The following WBP2NL variants were observed in gnomAD, a reference collection of about 807,000 sequenced individuals.
WBP2NL encodes the protein WBP2 N-terminal like.
WBP2NL carries 27 observed loss-of-function variants against 23.3 expected under a neutral mutation model. The observed-to-expected ratio is 1.16, with a 90% CI of 0.85 to 1.60. WBP2NL has a LOEUF of 1.60. Ranked by LOEUF, WBP2NL falls within the 40% of genes most tolerant of loss-of-function variation. WBP2NL has a pLI of 0.00. For synonymous variants in WBP2NL, 151 were observed against 145.9 expected (o/e 1.03, Z -0.25); for missense variants, 370 against 389.5 (o/e 0.95, Z 0.42).
At chr22:42,017,123 ATCTC>A (rs912019546) in intron 1 of WBP2NL, among the ~76,000 whole-genome samples, 11 of 150,860 alleles carry the variant, frequency 7.3e-5, no homozygotes, top group African/African-American at 2.2e-4. Context: ...AATGCTACCC[ATCTC>A]TCTCTCTCTC....
chr22:42,026,995 A>G lies in WBP2NL; in HGVS notation c.744A>G (p.Pro248=), dbSNP rs764782507. Residue 248 remains proline, a synonymous_variant, in exon 6 of 6, where the codon CCA becomes CCG. Coordinates refer to ENST00000328823, the MANE Select transcript of WBP2NL (RefSeq NM_152613.3). ...YGAPPLGYGT[P]PLGYGAPPLG... ...CCCCACCTCTTGGATATGGAACCCC[A>G]CCTCTCGGATATGGAGCCCCACCTC... 14 of 1,608,830 alleles carry G rather than the reference A, an allele frequency of 8.7e-6. No homozygotes were observed. Among genetic ancestry groups the G allele is most frequent in the Admixed American group, 6.7e-5 (4 of 59,738 alleles).
At chr22:42,008,462 C>T (rs1433117818) in intron 1 of WBP2NL, among the ~76,000 whole-genome samples, 1 of 152,046 alleles carries the variant, frequency 6.6e-6, no homozygotes, top group African/African-American at 2.4e-5. Flanking sequence ...TCACCTTGGC[C>T]TCCCAAAGTG....
chr22:42,019,162 A>G, intron 1 of WBP2NL, 149 bp from the exon 2 acceptor site: 1 of 619,866 alleles, frequency 1.6e-6, no homozygotes, highest in Non-Finnish European at 2.7e-6. Flanking sequence ...CGGAGCTTGC[A>G]GTGAGGTGAA....
chr22:42,011,825 T>G (rs1922848495), intron 1 of WBP2NL, among the ~76,000 whole-genome samples: 2 of 151,862 alleles, frequency 1.3e-5, no homozygotes. Flanking sequence ...CAGGCTGGAG[T>G]GCAGTCGTGC....
In WBP2NL at chr22:42,049,695, CAAAACAAAACAAAAAAAAAA is replaced by C. The variant is rs1257360378; in HGVS notation, c.*274-8590_*274-8571del. On this transcript the variant is annotated intron_variant and NMD_transcript_variant, in intron 8 of 8. Coordinates refer to the WBP2NL transcript ENST00000436265. ...ACAGAGCGAGACTCCGTCTCCAAAA[CAAAACAAAACAAAAAAAAAA>C]AAAAAAAAAAAAAAAATAGAACATT... Among the ~76,000 whole-genome samples, 11 of 22,858 alleles carry C rather than the reference CAAAACAAAACAAAAAAAAAA, an allele frequency of 4.8e-4. 1 individual carries two copies. Among genetic ancestry groups the C allele is most frequent in the African/African-American group, 2.0e-3 (9 of 4,566 alleles). The allele number at this position is 22,858 out of a possible 152,430, so 15.0% of individuals were successfully genotyped here.
intron 1 of WBP2NL, 88 bp from the exon 2 acceptor site, chr22:42,019,220 CAAA>C (rs371093593): frequency 3.0e-4 from 306 of 1,029,236 alleles, no homozygotes; most frequent in Middle Eastern, 4.7e-4. Flanking sequence ...GACTCTGTCT[CAAA>C]AAAAAAAAAA....
At chr22:42,048,346 C>T (rs1925679205) in intron 8 of WBP2NL, among the ~76,000 whole-genome samples, 1 of 150,980 alleles carries the variant, frequency 6.6e-6, no homozygotes, top group South Asian at 2.1e-4. Context: ...CGGGATTGCA[C>T]CACTGCACTC....
chr22:42,052,730 C>T (rs1421049407), intron 8 of WBP2NL, among the ~76,000 whole-genome samples: 1 of 152,170 alleles, frequency 6.6e-6, no homozygotes, highest in Non-Finnish European at 1.5e-5. Flanking sequence ...CCTTGGCAGC[C>T]CCTCCCAATG....
At chr22:42,050,254 G>T (rs749599595) in intron 8 of WBP2NL, among the ~76,000 whole-genome samples, 1 of 151,872 alleles carries the variant, frequency 6.6e-6, no homozygotes, top group Non-Finnish European at 1.5e-5. Flanking sequence ...GATTGTGCCA[G>T]TGTCTTCTAG....
intron 1 of WBP2NL, chr22:42,002,554 A>C (rs951982661): frequency 6.6e-6 from 1 of 152,156 alleles, no homozygotes; most frequent in African/African-American, 2.4e-5. Flanking sequence ...ATGACACTAC[A>C]CTCCAGCCTG....
Position 42,026,871 on chromosome 22 carries a change from C to T in WBP2NL, c.620C>T (p.Pro207Leu), listed in dbSNP as rs763344344. The T allele has an allele frequency of 1.1e-5, 17 of 1,612,512 alleles. No homozygotes were observed. Among genetic ancestry groups the T allele is most frequent in the Non-Finnish European group, 1.4e-5 (16 of 1,179,596 alleles). ...GAQPVGNEGP[P>L]VGYRASPVRY... The stretch of plus-strand genomic sequence containing the variant: ...CAACCCGTAGGAAATGAAGGCCCGC[C>T]TGTGGGATACAGAGCCTCACCTGTG... Residue 207 changes from proline to leucine, a missense_variant, in exon 6 of 6, where the codon CCT becomes CTT. Physicochemically the swap from Pro to Leu is moderately conservative, Grantham distance 98. Coordinates refer to ENST00000328823, the MANE Select transcript of WBP2NL (RefSeq NM_152613.3).
rs1165562087 is a variant in WBP2NL, at chr22:42,027,157, C to A, written c.906C>A (p.Ala302=). 1.9e-6 allele frequency: 3 copies of A among 1,613,308 alleles called. No homozygotes were observed. Among genetic ancestry groups the A allele is most frequent in the Non-Finnish European group, 2.5e-6 (3 of 1,179,716 alleles). ...AAAACGAGGCTTCTCTTCCCTCTGCCTCCTCTTCTCAGGTCCATTCTTAAC... is the reference window on the plus strand; with the variant it reads ...AAAACGAGGCTTCTCTTCCCTCTGCATCCTCTTCTCAGGTCCATTCTTAAC... ...APENEASLPS[A]SSSQVHS is the part of the protein sequence containing the mutation. Residue 302 remains alanine (A), a synonymous_variant, in exon 6 of 6, where the codon GCC becomes GCA. Transcript: ENST00000328823.
intron 4 of WBP2NL, among the ~76,000 whole-genome samples, chr22:42,021,486 G>A (rs754498668): frequency 1.3e-5 from 2 of 152,158 alleles, no homozygotes; most frequent in Non-Finnish European, 2.9e-5. Context: ...AGGATCTTGA[G>A]ATGACAAGAT....
chr22:42,044,719 T>G (rs1478543268), intron 8 of WBP2NL, among the ~76,000 whole-genome samples: 1 of 152,078 alleles, frequency 6.6e-6, no homozygotes, highest in Non-Finnish European at 1.5e-5. Context: ...GCAGGAAGAT[T>G]GCTTGAACCC....
Position 42,049,235 on chromosome 22 carries a change from G to A in WBP2NL, c.*274-9055G>A, listed in dbSNP as rs867965638. Among the ~76,000 whole-genome samples the A allele has an allele frequency of 4.6e-5, 7 of 152,050 alleles. No individual in the cohort carries two copies. In the South Asian group the frequency reaches 1.0e-3, roughly 23 times the overall value. ...CAACATGTTTTACAAAGGGACCCAG[G>A]TAATTCAATGGAGAAAGGATAGTCT... On this transcript the variant is annotated intron_variant and NMD_transcript_variant, in intron 8 of 8. Transcript: ENST00000436265.
At chr22:42,021,210 A>C (rs1399880807) in intron 4 of WBP2NL, among the ~76,000 whole-genome samples, 1 of 151,778 alleles carries the variant, frequency 6.6e-6, no homozygotes, top group Non-Finnish European at 1.5e-5. Context: ...GTGAGCCAGC[A>C]CGCCTGGCCG....
chr22:42,000,720 A>G (rs759281645), intron 1 of WBP2NL, among the ~76,000 whole-genome samples: 1 of 150,150 alleles, frequency 6.7e-6, no homozygotes, highest in Non-Finnish European at 1.5e-5. Flanking sequence ...CAAGATCGGG[A>G]GTTCAGGAGC....
intron 8 of WBP2NL, among the ~76,000 whole-genome samples, chr22:42,053,788 G>A (rs907846478): frequency 6.6e-6 from 1 of 151,992 alleles, no homozygotes; most frequent in Non-Finnish European, 1.5e-5. Context: ...GAGCTTATTA[G>A]CCATTTGTAT....
chr22:42,020,868 G>GTATATGTATATA lies in WBP2NL; in HGVS notation c.406+777_406+778insGTATATATATAT, dbSNP rs1483881577. Reference sequence around the variant, plus strand: ...ATCTCATATATGTGTGTGTGTGTGTGTATATATATATATATATATATATAT... The same window carrying GTATATGTATATA: ...ATCTCATATATGTGTGTGTGTGTGTGTATATGTATATATATATATATATATATATATATATAT... On this transcript the variant is annotated intron_variant, in intron 4 of 5. Coordinates refer to ENST00000328823, the MANE Select transcript of WBP2NL (RefSeq NM_152613.3). 5.2e-4 allele frequency among the ~76,000 whole-genome samples: 8 copies of GTATATGTATATA among 15,248 alleles called. 1 individual carries two copies. The highest frequency in any genetic ancestry group is 8.1e-4 in the Non-Finnish European group (8 of 9,920). The allele number at this position is 15,248 out of a possible 152,430, so 10.0% of individuals were successfully genotyped here. A position where few individuals can be genotyped will look rare whatever the true frequency, so the allele number is the denominator to read the frequency against.
Sources: gnomAD v4.1 joint callset for allele counts (sites outside exome capture counted in the v4.1 genomes callset) on GRCh38, gnomAD v4.1.1 for gene constraint, MANE v1.5 for transcripts, NCBI Gene and HGNC (gene_info 2026-07-23, HGNC 2026-07-21) for gene names.